Variants in SPAG16 observed in about 807,000 individuals in gnomAD.
The protein encoded by SPAG16 is sperm-associated antigen 16 protein.
Under a neutral mutation model 80.4 loss-of-function variants are expected in SPAG16, and 86 were observed. The ratio of observed to expected loss-of-function variants is 1.07; its 90% confidence interval spans 0.90 to 1.28. The LOEUF is 1.28. SPAG16 is among the 50% of genes most tolerant of loss of function. The pLI is 0.00. For missense variants in SPAG16, 870 were observed against 765.3 expected, an observed-to-expected ratio of 1.14 and a Z score of -1.61; for synonymous variants, 294 against 265.9, an observed-to-expected ratio of 1.11 and a Z score of -1.03.
chr2:213,985,798 A>C (rs10469665), intron 12 of SPAG16, among the ~76,000 whole-genome samples: 84,212 of 151,888 alleles, frequency 0.55, 25,020 homozygotes, highest in South Asian at 0.77. Context: ...AAATAGAAAG[A>C]CAGACAAGGA....
intron 13 of SPAG16, among the ~76,000 whole-genome samples, chr2:214,084,443 G>T (rs996718569): frequency 6.6e-6 from 1 of 151,734 alleles, no homozygotes; most frequent in Non-Finnish European, 1.5e-5. Flanking sequence ...CTTACAACAT[G>T]AACTCCCCCT....
intron 10 of SPAG16, among the ~76,000 whole-genome samples, chr2:213,545,609 G>A (rs1349682163): frequency 7.9e-5 from 4 of 50,340 alleles, no homozygotes; most frequent in Non-Finnish European, 1.2e-4. Flanking sequence ...ACATTGAAAC[G>A]TGATCAATTA....
At chr2:214,273,613 T>G (rs1054324937) in intron 15 of SPAG16, among the ~76,000 whole-genome samples, 1 of 152,138 alleles carries the variant, frequency 6.6e-6, no homozygotes, top group African/African-American at 2.4e-5. Flanking sequence ...TGTAGATGTG[T>G]GGTGTTATTC....
chr2:214,312,501 C>G (rs959387041), intron 15 of SPAG16, among the ~76,000 whole-genome samples: 2 of 152,094 alleles, frequency 1.3e-5, no homozygotes, highest in African/African-American at 4.8e-5. Context: ...GTATAGGGTT[C>G]TTGGTATATT....
intron 12 of SPAG16, among the ~76,000 whole-genome samples, chr2:213,994,250 G>A (rs1047890939): frequency 5.3e-5 from 8 of 151,978 alleles, no homozygotes; most frequent in Admixed American, 5.2e-4. Context: ...AAAAGGTAAC[G>A]TGCCCTAATG....
chr2:214,407,709 C>G (rs4618051), intron 15 of SPAG16, among the ~76,000 whole-genome samples: 127,134 of 152,088 alleles, frequency 0.84, 53,179 homozygotes, highest in Middle Eastern at 0.88. Flanking sequence ...TTTTTATTTT[C>G]TTTCTGAGAG....
chr2:213,591,471 A>G (rs977356197), intron 10 of SPAG16, among the ~76,000 whole-genome samples: 1 of 152,232 alleles, frequency 6.6e-6, no homozygotes, highest in African/African-American at 2.4e-5. Context: ...GTAAAATTCC[A>G]ATATGTATTA....
rs2069209771 is a variant in SPAG16, at chr2:213,415,632, C to A, written c.942+40513C>A. Among the ~76,000 whole-genome samples, 4 of 152,122 alleles carry A rather than the reference C, an allele frequency of 2.6e-5. No individual in the cohort carries two copies. In the South Asian group the frequency reaches 8.3e-4, roughly 32 times the overall value. Reference sequence around the variant, plus strand: ...TAGTGTGTGTATGAGAAACAGGAATCTTCAGATGTTTTTGGCTGGGTTGAC... The same window carrying A: ...TAGTGTGTGTATGAGAAACAGGAATATTCAGATGTTTTTGGCTGGGTTGAC... On this transcript the variant is annotated intron_variant, in intron 9 of 15. Transcript: ENST00000331683.
chr2:214,113,469 G>C (rs2053779613), intron 14 of SPAG16, among the ~76,000 whole-genome samples: 1 of 152,196 alleles, frequency 6.6e-6, no homozygotes, highest in African/African-American at 2.4e-5. Flanking sequence ...ATCAAATGTA[G>C]ATTTGGTCTT....
chr2:213,366,555 C>G (rs867114378), intron 8 of SPAG16, among the ~76,000 whole-genome samples: 12 of 152,128 alleles, frequency 7.9e-5, no homozygotes, highest in Non-Finnish European at 1.6e-4. Flanking sequence ...AGGAACTGCC[C>G]TTTATAAAAC....
intron 15 of SPAG16, among the ~76,000 whole-genome samples, chr2:214,383,558 G>A (rs190580605): frequency 1.4e-5 from 2 of 143,566 alleles, no homozygotes; most frequent in East Asian, 2.0e-4. Flanking sequence ...GCAACAGAGT[G>A]AGACTTCATC....
intron 10 of SPAG16, among the ~76,000 whole-genome samples, chr2:213,860,808 G>A (rs1433087821): frequency 6.6e-6 from 1 of 152,110 alleles, no homozygotes; most frequent in East Asian, 1.9e-4. Flanking sequence ...TTCACTTAAA[G>A]AGGGTAATTT....
At chr2:214,357,358 C>A (rs1188617210) in intron 15 of SPAG16, among the ~76,000 whole-genome samples, 1 of 151,944 alleles carries the variant, frequency 6.6e-6, no homozygotes, top group Non-Finnish European at 1.5e-5. Context: ...CCACTTCACA[C>A]TATTCTCCTT....
intron 12 of SPAG16, among the ~76,000 whole-genome samples, chr2:213,946,193 C>A (rs1383280797): frequency 6.6e-6 from 1 of 152,102 alleles, no homozygotes; most frequent in Non-Finnish European, 1.5e-5. Flanking sequence ...TGGCTCACTG[C>A]AACCTCTGCC....
chr2:214,228,436 C>T (rs1314293814), intron 15 of SPAG16, among the ~76,000 whole-genome samples: 1 of 151,702 alleles, frequency 6.6e-6, no homozygotes, highest in African/African-American at 2.4e-5. Flanking sequence ...ATTTTTTAAG[C>T]TACCAAGGAT....
At chr2:213,628,355 C>T (rs1199221998) in intron 10 of SPAG16, among the ~76,000 whole-genome samples, 2 of 152,198 alleles carry the variant, frequency 1.3e-5, no homozygotes, top group Non-Finnish European at 2.9e-5. Context: ...AAATTCTATC[C>T]ATTTATGGCC....
At chr2:213,592,616 A>G (rs2060738488) in intron 10 of SPAG16, among the ~76,000 whole-genome samples, 1 of 152,184 alleles carries the variant, frequency 6.6e-6, no homozygotes, top group African/African-American at 2.4e-5. Flanking sequence ...CCCTTTTAGC[A>G]GTTCCTTGGG....
chr2:213,825,701 C>CTTTTTTTTTTTTTTTTTTTTTTT (rs55777958), intron 10 of SPAG16, among the ~76,000 whole-genome samples: 23 of 109,792 alleles, frequency 2.1e-4, no homozygotes, highest in African/African-American at 3.4e-4. Context: ...TTCTTTCTTT[C>CTTTTTTTTTTTTTTTTTTTTTTT]TTTTTTTTTT....
At chr2:213,708,214 C>T (rs185953907) in intron 10 of SPAG16, among the ~76,000 whole-genome samples, 96 of 152,192 alleles carry the variant, frequency 6.3e-4, no homozygotes, top group Middle Eastern at 3.4e-3. Context: ...AAACAAAGAT[C>T]AGTTGAAAAG....
Sources: allele counts gnomAD v4.1 joint callset (sites outside exome capture counted in the v4.1 genomes callset), GRCh38; gene constraint gnomAD v4.1.1; transcripts MANE v1.5; gene names NCBI Gene and HGNC (gene_info 2026-07-23, HGNC 2026-07-21).